Variants in DMRT1 observed in about 807,000 individuals in gnomAD.
DMRT1 encodes doublesex and mab-3 related transcription factor 1, also known as doublesex- and mab-3-related transcription factor 1.
In DMRT1, 7 loss-of-function variants were observed where a neutral mutation model predicts 32.3. The ratio of observed to expected loss-of-function variants is 0.22; its 90% CI spans 0.12 to 0.41. DMRT1 has a LOEUF of 0.41. Ranked by LOEUF, DMRT1 falls within the 10% of genes least tolerant of loss-of-function variation. The pLI is 1.00. For synonymous variants in DMRT1, 278 were observed against 206.1 expected (o/e 1.35, Z -2.99); for missense variants, 625 against 500.5 (o/e 1.25, Z -2.37).
rs140338930 is a variant in DMRT1, at chr9:866,550, G to T, written c.538+19407G>T. On this transcript the variant is annotated intron_variant, in intron 2 of 4. Transcript: ENST00000382276. ...ACACTCTCAAAACTTGTGTTTACTT[G>T]AAAATAAACAGTGTCAGATTTTTCA... Among the ~76,000 whole-genome samples the T allele has an allele frequency of 4.7e-3, 708 of 152,212 alleles. 6 individuals are homozygous for T. Among genetic ancestry groups the T allele is most frequent in the African/African-American group, 0.016 (676 of 41,518 alleles).
At chr9:890,356 C>G (rs1264841196) in intron 2 of DMRT1, among the ~76,000 whole-genome samples, 3 of 152,130 alleles carry the variant, frequency 2.0e-5, no homozygotes, top group African/African-American at 7.2e-5. Flanking sequence ...ATTGGAATGT[C>G]TCATCTCATT....
intron 2 of DMRT1, among the ~76,000 whole-genome samples, chr9:879,686 C>CT (rs1337275999): frequency 7.9e-5 from 12 of 152,284 alleles, no homozygotes; most frequent in Admixed American, 7.8e-4. Flanking sequence ...ATTTTGTACT[C>CT]TGTTTCATTA....
At chr9:870,273 C>G (rs940096282) in intron 2 of DMRT1, among the ~76,000 whole-genome samples, 3 of 152,132 alleles carry the variant, frequency 2.0e-5, no homozygotes, top group Non-Finnish European at 2.9e-5. Flanking sequence ...GTGACGTGCA[C>G]CTGTAATCCC....
At chr9:948,055 G>A (rs1162528405) in intron 4 of DMRT1, among the ~76,000 whole-genome samples, 1 of 152,174 alleles carries the variant, frequency 6.6e-6, no homozygotes, top group Non-Finnish European at 1.5e-5. Context: ...TTCATGGAAG[G>A]TCACATGAGG....
chr9:884,932 T>A (rs1422574838), intron 2 of DMRT1, among the ~76,000 whole-genome samples: 1 of 152,184 alleles, frequency 6.6e-6, no homozygotes, highest in Admixed American at 6.5e-5. Flanking sequence ...ATCACACCAC[T>A]ACACTCCAGC....
intron 4 of DMRT1, among the ~76,000 whole-genome samples, chr9:948,599 T>G (rs1819324645): frequency 6.7e-6 from 1 of 149,472 alleles, no homozygotes; most frequent in African/African-American, 2.4e-5. Context: ...CCCAGAAGGC[T>G]CCGCAACAAG....
At chr9:905,647 TC>T (rs1012908136) in intron 3 of DMRT1, among the ~76,000 whole-genome samples, 3 of 152,146 alleles carry the variant, frequency 2.0e-5, no homozygotes, top group African/African-American at 7.2e-5. Flanking sequence ...TGCCCCGTTC[TC>T]CCGTTGACAG....
chr9:882,517 T>C (rs1007136732), intron 2 of DMRT1, among the ~76,000 whole-genome samples: 2 of 152,180 alleles, frequency 1.3e-5, no homozygotes, highest in Non-Finnish European at 2.9e-5. Flanking sequence ...GTTAATCACC[T>C]GAGCTCCTCC....
At chr9:950,711 A>G (rs1253908715) in intron 4 of DMRT1, among the ~76,000 whole-genome samples, 1 of 152,132 alleles carries the variant, frequency 6.6e-6, no homozygotes, top group Non-Finnish European at 1.5e-5. Flanking sequence ...AGCCTTCCTA[A>G]GAATTCCTGT....
rs766672270 is a variant in DMRT1, at chr9:917,042, G to T, written c.967+135G>T. The T allele has an allele frequency of 4.1e-6, 4 of 972,602 alleles. No homozygotes were observed. The African/African-American group carries it at 6.4e-5, about 16-fold the overall frequency. 60.2% of individuals were successfully genotyped at this position (972,602 alleles called of 1,614,324 possible). On this transcript the variant is annotated intron_variant, in intron 4 of 4. Transcript: ENST00000382276. ...TTATTGCTGTGTGAAGCTTGGATAA[G>T]TATCCTTTAAAGAATTTAGTTATAA...
intron 4 of DMRT1, among the ~76,000 whole-genome samples, chr9:922,497 AG>A (rs1289115898): frequency 6.6e-6 from 1 of 152,218 alleles, no homozygotes; most frequent in Non-Finnish European, 1.5e-5. Flanking sequence ...CTCTGTCTAG[AG>A]GTGGGTGGCA....
intron 3 of DMRT1, among the ~76,000 whole-genome samples, chr9:900,259 C>T (rs767369965): frequency 6.6e-6 from 1 of 152,196 alleles, no homozygotes; most frequent in East Asian, 1.9e-4. Context: ...TGCTCCAGCA[C>T]CTTCTGCCTG....
At position 885,323 on chromosome 9, in the gene DMRT1, C is replaced by T. The variant is rs181109813; in HGVS notation, c.539-8589C>T. 9.8e-5 allele frequency among the ~76,000 whole-genome samples: 15 copies of T among 152,286 alleles called. 1 individual carries two copies. In the East Asian group the frequency reaches 2.9e-3, roughly 29 times the overall value. The stretch of plus-strand genomic sequence containing the variant: ...GGCTTTCTGTATCCCCTGGTTCTTG[C>T]CTTGGTGTACCAAAAGAATGAGATC... On this transcript the variant is annotated intron_variant, in intron 2 of 4. Transcript: ENST00000382276.
rs1453118554 is a variant in DMRT1 at position 915,793 on chromosome 9, C to CG, written c.823-969dup. Among the ~76,000 whole-genome samples, 7 of 150,868 alleles carry CG rather than the reference C, an allele frequency of 4.6e-5. No individual in the cohort carries two copies. The East Asian group carries it at 1.4e-3, about 30-fold the overall frequency. On this transcript the variant is annotated intron_variant, in intron 3 of 4. Coordinates refer to ENST00000382276, the MANE Select transcript of DMRT1 (RefSeq NM_021951.3). ...TGTCGCCCAGGCTGGAGTGCAGTGG[C>CG]GCGATCTCGGCTCAGTACAAGCTCT...
At chr9:902,491 A>AT (rs58603191) in intron 3 of DMRT1, among the ~76,000 whole-genome samples, 11,515 of 135,490 alleles carry the variant, frequency 0.085, 1,464 homozygotes, top group African/African-American at 0.28. Flanking sequence ...CTCCCACCAC[A>AT]TTTTTTTTTT....
intron 2 of DMRT1, among the ~76,000 whole-genome samples, chr9:891,678 C>G (rs893899640): frequency 1.3e-5 from 2 of 148,774 alleles, no homozygotes; most frequent in African/African-American, 5.1e-5. Flanking sequence ...CCACGCCTGG[C>G]TAATTTTTTT....
At chr9:898,329 A>G (rs144586308) in intron 3 of DMRT1, among the ~76,000 whole-genome samples, 7,365 of 152,206 alleles carry the variant, frequency 0.048, 383 homozygotes, top group East Asian at 0.14. Context: ...CATGTTGTCC[A>G]GGCTGTTCTC....
At chr9:957,357 C>G (rs563098581) in intron 4 of DMRT1, among the ~76,000 whole-genome samples, 44 of 152,282 alleles carry the variant, frequency 2.9e-4, no homozygotes, top group African/African-American at 1.1e-3. Flanking sequence ...ACAGAAGATA[C>G]CACAAAAATG....
chr9:962,635 A>AG (rs1819811994), intron 4 of DMRT1, among the ~76,000 whole-genome samples: 2 of 152,076 alleles, frequency 1.3e-5, no homozygotes, highest in Admixed American at 6.6e-5. Context: ...TGGAGGTGGC[A>AG]TTGGAGAAGG....
Sources: allele counts gnomAD v4.1 joint callset (sites outside exome capture counted in the v4.1 genomes callset), GRCh38; gene constraint gnomAD v4.1.1; transcripts MANE v1.5; gene names NCBI Gene and HGNC (gene_info 2026-07-23, HGNC 2026-07-21).